The following NCOA2 variants were observed in gnomAD, a reference collection of about 807,000 sequenced individuals.
NCOA2 encodes the protein nuclear receptor coactivator 2.
In NCOA2, 21 loss-of-function variants were observed where a neutral mutation model predicts 145.1. The observed-to-expected ratio is 0.14, with a 90% CI of 0.10 to 0.21. The LOEUF (loss-of-function observed/expected upper bound fraction) is 0.21, where lower values mean the gene tolerates loss of function less well. NCOA2 is among the 10% of genes least tolerant of loss of function. The probability of loss-of-function intolerance (pLI) is 1.00; values close to 1 mark genes in which losing one functional copy is unlikely to be tolerated. For synonymous variants in NCOA2, 619 were observed against 637.5 expected, an observed-to-expected ratio of 0.97 and a Z score of 0.44; for missense variants, 1,472 against 1,837.6, an observed-to-expected ratio of 0.80 and a Z score of 3.64.
intron 4 of NCOA2, among the ~76,000 whole-genome samples, chr8:70,189,886 C>T: frequency 6.6e-6 from 1 of 152,284 alleles, no homozygotes; most frequent in African/African-American, 2.4e-5. Flanking sequence ...GAAGACTCCA[C>T]TTGTTTGGAG....
the NCOA2 span, among the ~76,000 whole-genome samples, chr8:70,429,332 G>A: frequency 6.6e-6 from 1 of 152,210 alleles, no homozygotes; most frequent in Non-Finnish European, 1.5e-5. Context: ...GCATCCACAA[G>A]GTTGTTCCAG....
the NCOA2 span, among the ~76,000 whole-genome samples, chr8:70,434,015 G>A: frequency 1.3e-5 from 2 of 152,340 alleles, no homozygotes; most frequent in South Asian, 4.1e-4. Context: ...TCATTAGCAT[G>A]TGTGTTGTCA....
chr8:70,115,848 A>G (rs1306341735), intron 22 of NCOA2, among the ~76,000 whole-genome samples: 1 of 152,200 alleles, frequency 6.6e-6, no homozygotes, highest in Non-Finnish European at 1.5e-5. Context: ...AAAGCAAGGT[A>G]CCATTATAAT....
In NCOA2 at chr8:70,131,938, C is replaced by T. The variant is rs770730776; in HGVS notation, c.3223G>A (p.Asp1075Asn). The T allele has an allele frequency of 2.5e-6, 4 of 1,611,268 alleles. No individual in the cohort carries two copies. Among genetic ancestry groups the T allele is most frequent in the Non-Finnish European group, 3.4e-6 (4 of 1,178,822 alleles). Residue 1075 changes from aspartate (D) to asparagine (N), a missense_variant, in exon 16 of 23, where the codon GAT (aspartate) becomes AAT (asparagine). Physicochemically the swap from Asp to Asn is conservative, Grantham distance 23 (BLOSUM62 1). This residue lies in a region of NCOA2 where 953 missense variants were observed against 1,062.1 expected (regional missense o/e 0.90). Transcript: ENST00000452400. Reference protein sequence around the residue: ...CPHPAAESPSDEGALLDQLYL... With the variant: ...CPHPAAESPSNEGALLDQLYL... ...AGCTGGTCCAGGAGAGCTCCCTCAT[C>T]ACTCGGAGACTCAGCTGCAGGATGT...
the NCOA2 span, among the ~76,000 whole-genome samples, chr8:70,411,866 G>A: frequency 1.3e-5 from 2 of 152,192 alleles, no homozygotes; most frequent in South Asian, 2.1e-4. Context: ...GAGATTTGGG[G>A]ATTCTGAGAA....
chr8:70,358,827 T>C (rs1809967689), intron 1 of NCOA2, among the ~76,000 whole-genome samples: 1 of 152,194 alleles, frequency 6.6e-6, no homozygotes, highest in African/African-American at 2.4e-5. Context: ...AAACTATATG[T>C]ATATCATAGT....
intron 1 of NCOA2, among the ~76,000 whole-genome samples, chr8:70,394,483 T>C (rs999940644): frequency 3.3e-5 from 5 of 152,182 alleles, no homozygotes; most frequent in African/African-American, 1.2e-4. Flanking sequence ...GAAATAAATA[T>C]TTTTACATCA....
At chr8:70,218,770 C>G (rs931139975) in intron 2 of NCOA2, among the ~76,000 whole-genome samples, 2 of 152,178 alleles carry the variant, frequency 1.3e-5, no homozygotes, top group African/African-American at 4.8e-5. Context: ...ACTCTGAAAG[C>G]AGCTTTCTAG....
At chr8:70,217,136 G>C (rs1412438289) in intron 2 of NCOA2, among the ~76,000 whole-genome samples, 1 of 152,174 alleles carries the variant, frequency 6.6e-6, no homozygotes, top group Non-Finnish European at 1.5e-5. Context: ...GGTGTTGTAA[G>C]GGGCTCCTCC....
the NCOA2 span, among the ~76,000 whole-genome samples, chr8:70,425,564 C>T: frequency 6.6e-6 from 1 of 152,118 alleles, no homozygotes; most frequent in East Asian, 1.9e-4. Flanking sequence ...ACAATTATTC[C>T]ACCCATCAGA....
chr8:70,364,741 T>TAAA (rs796932464), intron 1 of NCOA2, among the ~76,000 whole-genome samples: 1 of 123,654 alleles, frequency 8.1e-6, no homozygotes, highest in Admixed American at 8.5e-5. Context: ...TCCCAATACT[T>TAAA]AAAAAAAAAA....
At position 70,186,465 on chromosome 8, in the gene NCOA2, G is replaced by C. The variant is rs140325917; in HGVS notation, c.260-11606C>G. Reference sequence around the variant, plus strand: ...CCCTCAGATCAGGGCTGACTGCAGAGGGCAAGGTGCTGCGAGGGACAAAGC... The same window carrying C: ...CCCTCAGATCAGGGCTGACTGCAGACGGCAAGGTGCTGCGAGGGACAAAGC... On this transcript the variant is annotated intron_variant, in intron 4 of 22. Coordinates refer to ENST00000452400, the MANE Select transcript of NCOA2 (RefSeq NM_006540.4). 2.3e-3 allele frequency among the ~76,000 whole-genome samples: 344 copies of C among 152,214 alleles called. 3 individuals are homozygous for C. Among genetic ancestry groups the C allele is most frequent in the African/African-American group, 7.9e-3 (329 of 41,526 alleles).
chr8:70,359,863 A>T (rs1318276705), intron 1 of NCOA2, among the ~76,000 whole-genome samples: 1 of 152,128 alleles, frequency 6.6e-6, no homozygotes, highest in Non-Finnish European at 1.5e-5. Flanking sequence ...TTGCATTTCA[A>T]ATATACATAC....
chr8:70,358,743 T>C (rs1328046715), intron 1 of NCOA2, among the ~76,000 whole-genome samples: 2 of 152,202 alleles, frequency 1.3e-5, no homozygotes, highest in Non-Finnish European at 2.9e-5. Context: ...AATCAAACTT[T>C]ATCAAAATTT....
chr8:70,231,171 C>T (rs1255248796), intron 2 of NCOA2, among the ~76,000 whole-genome samples: 1 of 152,212 alleles, frequency 6.6e-6, no homozygotes, highest in Non-Finnish European at 1.5e-5. Flanking sequence ...AATTTACAAT[C>T]CCCTTAGCAG....
At chr8:70,174,659 G>A (rs1814631743) in intron 5 of NCOA2, 97 bp downstream of exon 5, 2 of 1,160,556 alleles carry the variant, frequency 1.7e-6, no homozygotes, top group Non-Finnish European at 1.3e-6. Context: ...TAGTACTAGT[G>A]TGGATTCTCC....
chr8:70,352,930 T>C (rs914872798), intron 1 of NCOA2, among the ~76,000 whole-genome samples: 3 of 152,118 alleles, frequency 2.0e-5, no homozygotes, highest in African/African-American at 7.2e-5. Flanking sequence ...CCATAAGAGC[T>C]TATTTTGCTA....
chr8:70,412,366 G>A, the NCOA2 span, among the ~76,000 whole-genome samples: 5 of 150,578 alleles, frequency 3.3e-5, no homozygotes, highest in African/African-American at 4.9e-5. Flanking sequence ...TAGTTTTAGT[G>A]TAAGTACAAA....
chr8:70,133,921 G>T (rs182960490), intron 15 of NCOA2, among the ~76,000 whole-genome samples: 35 of 152,286 alleles, frequency 2.3e-4, no homozygotes, highest in African/African-American at 7.2e-4. Flanking sequence ...CTTGGAAATT[G>T]TCCAGCTGAG....
Sources: allele counts gnomAD v4.1 joint callset (sites outside exome capture counted in the v4.1 genomes callset), GRCh38; gene constraint gnomAD v4.1.1; regional missense constraint gnomAD v4.1.1; transcripts MANE v1.5; gene names NCBI Gene and HGNC (gene_info 2026-07-23, HGNC 2026-07-21).